The following GALNTL6 variants were observed in gnomAD, a reference collection of about 807,000 sequenced individuals.
GALNTL6 encodes polypeptide N-acetylgalactosaminyltransferase like 6.
In GALNTL6, 46 loss-of-function variants were observed where a neutral mutation model predicts 73.7. The observed-to-expected ratio is 0.62, with a 90% confidence interval of 0.49 to 0.80. The LOEUF (loss-of-function observed/expected upper bound fraction) is 0.80. GALNTL6 is among the 30% of genes least tolerant of loss of function. GALNTL6 has a pLI of 0.00. For synonymous variants in GALNTL6, 259 were observed against 263.7 expected (o/e 0.98, Z 0.17); for missense variants, 604 against 755.0 (o/e 0.80, Z 2.34).
intron 5 of GALNTL6, among the ~76,000 whole-genome samples, chr4:172,801,836 C>G (rs1740663122): frequency 1.3e-5 from 2 of 152,184 alleles, no homozygotes; most frequent in Admixed American, 1.3e-4. Context: ...TCTTCTGTCT[C>G]TGCCACCCCT....
intron 3 of GALNTL6, among the ~76,000 whole-genome samples, chr4:172,304,036 C>A (rs1404467571): frequency 1.3e-5 from 2 of 151,428 alleles, no homozygotes; most frequent in African/African-American, 4.9e-5. Context: ...GCTCTCAATG[C>A]TCCTAGATTA....
At chr4:172,965,516 G>C (rs1340603451) in intron 10 of GALNTL6, among the ~76,000 whole-genome samples, 1 of 151,996 alleles carries the variant, frequency 6.6e-6, no homozygotes, top group African/African-American at 2.4e-5. Context: ...CCAGGAGGCA[G>C]AGCTTGCAGT....
chr4:172,730,677 G>A (rs1213484881), intron 5 of GALNTL6, among the ~76,000 whole-genome samples: 1 of 152,130 alleles, frequency 6.6e-6, no homozygotes, highest in Non-Finnish European at 1.5e-5. Flanking sequence ...ATATTGGCCT[G>A]TAGTTTTATT....
chr4:172,487,327 T>TTTCC (rs1561106855), intron 5 of GALNTL6, among the ~76,000 whole-genome samples: 18 of 136,604 alleles, frequency 1.3e-4, no homozygotes, highest in Non-Finnish European at 2.6e-4. Context: ...TCTTTCTTTC[T>TTTCC]TTCTTTCTTT....
Position 171,814,633 on chromosome 4 carries a change from C to T in GALNTL6, c.53C>T (p.Ala18Val). Reference protein sequence around the residue: ...FLQMTLLFTVALIFLPNVGLW... With the variant: ...FLQMTLLFTVVLIFLPNVGLW... ...CAGATGACTTTGTTGTTCACGGTGG[C>T]TTTAATTTTCCTGCCTAACGTTGGT... The change falls in exon 2 of 13, where the codon GCT (alanine) becomes GTT (valine). Residue 18 changes from alanine (A) to valine (V), a missense_variant. Ala to Val is a moderately conservative substitution (Grantham distance 64). This residue lies in a region of GALNTL6 where 141 missense variants were observed against 156.6 expected (regional missense o/e 0.90). Coordinates refer to ENST00000506823, the MANE Select transcript of GALNTL6 (RefSeq NM_001034845.3). 6.2e-7 allele frequency: 1 copy of T among 1,614,096 alleles called. No homozygotes were observed. Among genetic ancestry groups the T allele is most frequent in the Non-Finnish European group, 8.5e-7 (1 of 1,179,998 alleles).
chr4:172,932,424 G>C (rs994963161), intron 9 of GALNTL6, among the ~76,000 whole-genome samples: 1 of 152,136 alleles, frequency 6.6e-6, no homozygotes, highest in Non-Finnish European at 1.5e-5. Context: ...GTGGGGCGGG[G>C]GGAGTTGTTC....
At chr4:172,736,737 G>A (rs1317391917) in intron 5 of GALNTL6, among the ~76,000 whole-genome samples, 1 of 152,078 alleles carries the variant, frequency 6.6e-6, no homozygotes, top group African/African-American at 2.4e-5. Flanking sequence ...ATTAATTTGG[G>A]GAACTAATAA....
At chr4:172,932,668 A>C (rs1036925619) in intron 9 of GALNTL6, among the ~76,000 whole-genome samples, 1 of 152,208 alleles carries the variant, frequency 6.6e-6, no homozygotes, top group Non-Finnish European at 1.5e-5. Context: ...TATCTTGGGG[A>C]TAAGACCCAA....
intron 9 of GALNTL6, among the ~76,000 whole-genome samples, chr4:172,946,450 A>C (rs188961920): frequency 6.4e-4 from 97 of 152,318 alleles, no homozygotes; most frequent in African/African-American, 2.3e-3. Context: ...AGCCAGCAGG[A>C]AAAATTGAAC....
chr4:172,353,979 C>A (rs1319046334), intron 5 of GALNTL6, among the ~76,000 whole-genome samples: 1 of 152,092 alleles, frequency 6.6e-6, no homozygotes, highest in Non-Finnish European at 1.5e-5. Context: ...GCAGACAAAT[C>A]AATCAGCACA....
chr4:171,952,861 T>C (rs1442135369), intron 2 of GALNTL6, among the ~76,000 whole-genome samples: 1 of 115,820 alleles, frequency 8.6e-6, no homozygotes, highest in Non-Finnish European at 1.9e-5. Flanking sequence ...GTAATAAATA[T>C]ATAAACCTTG....
intron 5 of GALNTL6, among the ~76,000 whole-genome samples, chr4:172,515,625 A>G (rs757885624): frequency 2.6e-5 from 4 of 152,224 alleles, no homozygotes; most frequent in Non-Finnish European, 4.4e-5. Context: ...TGTGATAACA[A>G]TAGAGGCCTC....
At chr4:171,890,712 C>T (rs868590200) in intron 2 of GALNTL6, among the ~76,000 whole-genome samples, 1 of 152,006 alleles carries the variant, frequency 6.6e-6, no homozygotes. Context: ...TATTATCACC[C>T]TTGTATGTAA....
At chr4:172,101,102 T>C (rs1312362549) in intron 2 of GALNTL6, among the ~76,000 whole-genome samples, 1 of 152,178 alleles carries the variant, frequency 6.6e-6, no homozygotes, top group Non-Finnish European at 1.5e-5. Context: ...TTCTGCAGTC[T>C]CTATTGGGCT....
intron 2 of GALNTL6, among the ~76,000 whole-genome samples, chr4:171,828,509 A>C (rs1006949601): frequency 4.6e-5 from 7 of 152,344 alleles, no homozygotes; most frequent in African/African-American, 1.4e-4. Context: ...CCACAGCTGC[A>C]GTTGCCTGCC....
intron 5 of GALNTL6, among the ~76,000 whole-genome samples, chr4:172,681,916 A>G (rs1732651780): frequency 6.6e-6 from 1 of 152,190 alleles, no homozygotes; most frequent in Non-Finnish European, 1.5e-5. Context: ...ATTCAGGGCC[A>G]TAGGATAGGC....
chr4:172,303,036 G>A (rs1468366322), intron 3 of GALNTL6, among the ~76,000 whole-genome samples: 2 of 151,958 alleles, frequency 1.3e-5, no homozygotes, highest in African/African-American at 4.8e-5. Context: ...GTCTCACTCT[G>A]TCACCCAGGC....
At chr4:172,258,546 A>G (rs138697230) in intron 3 of GALNTL6, among the ~76,000 whole-genome samples, 191 of 151,374 alleles carry the variant, frequency 1.3e-3, no homozygotes, top group African/African-American at 4.1e-3. Context: ...CAGTTTATAT[A>G]TATCAGGTCT....
intron 5 of GALNTL6, among the ~76,000 whole-genome samples, chr4:172,533,316 A>AT (rs34973148): frequency 0.14 from 10,831 of 76,878 alleles, 3,127 homozygotes; most frequent in African/African-American, 0.21. Flanking sequence ...CCCGGCCAGA[A>AT]TTTTTTTTTT....
Sources: gnomAD v4.1 joint callset for allele counts (sites outside exome capture counted in the v4.1 genomes callset) on GRCh38, gnomAD v4.1.1 for gene constraint, gnomAD v4.1.1 regional missense constraint, MANE v1.5 for transcripts, NCBI Gene and HGNC (gene_info 2026-07-23, HGNC 2026-07-21) for gene names.